Variants in SLC9A2 observed in about 807,000 individuals in gnomAD.
The protein encoded by SLC9A2 is solute carrier family 9 member A2.
In SLC9A2, 42 loss-of-function variants were observed where a neutral mutation model predicts 71.7. That is an observed-to-expected ratio of 0.59 (90% confidence interval 0.46 to 0.76). SLC9A2 has a LOEUF of 0.76. Ranked by LOEUF, SLC9A2 falls within the 30% of genes least tolerant of loss-of-function variation. The pLI, the probability that SLC9A2 is intolerant of heterozygous loss-of-function variation, is 0.00. For synonymous variants in SLC9A2, 396 were observed against 392.5 expected (o/e 1.01, Z -0.10); for missense variants, 829 against 1,017.4 (o/e 0.81, Z 2.52).
At chr2:102,701,500 T>C (rs957612048) in intron 8 of SLC9A2, among the ~76,000 whole-genome samples, 1 of 152,176 alleles carries the variant, frequency 6.6e-6, no homozygotes, top group African/African-American at 2.4e-5. Context: ...TTATGTATGT[T>C]TATGTTTACA....
chr2:102,655,379 T>G (rs1431963934), intron 1 of SLC9A2, among the ~76,000 whole-genome samples: 1 of 152,108 alleles, frequency 6.6e-6, no homozygotes, highest in East Asian at 1.9e-4. Context: ...GTCTCAAACT[T>G]CTGACCTCAG....
chr2:102,695,788 AT>A (rs1195658447), intron 7 of SLC9A2, among the ~76,000 whole-genome samples: 3,221 of 43,204 alleles, frequency 0.075, 167 homozygotes, highest in African/African-American at 0.14. Context: ...TTATATATAT[AT>A]TATATATATA....
intron 5 of SLC9A2, among the ~76,000 whole-genome samples, chr2:102,687,694 T>C (rs1312363051): frequency 2.0e-5 from 3 of 152,180 alleles, no homozygotes; most frequent in African/African-American, 4.8e-5. Flanking sequence ...AATTTTCACA[T>C]TGTTTGAATC....
chr2:102,645,908 A>G (rs1198217913), intron 1 of SLC9A2, among the ~76,000 whole-genome samples: 1 of 152,176 alleles, frequency 6.6e-6, no homozygotes, highest in Non-Finnish European at 1.5e-5. Flanking sequence ...AACTTCCCCA[A>G]CCTAGCAAGA....
chr2:102,683,975 A>G (rs1289927434), intron 4 of SLC9A2, among the ~76,000 whole-genome samples, 159 bp from the exon 5 acceptor site: 1 of 152,228 alleles, frequency 6.6e-6, no homozygotes, highest in Non-Finnish European at 1.5e-5. Flanking sequence ...AAAGGCCCAG[A>G]ACCTGGTATT....
At position 102,621,673 on chromosome 2, in the gene SLC9A2, C is replaced by G. The variant is rs114903488; in HGVS notation, c.289+1536C>G. 6.8e-3 allele frequency among the ~76,000 whole-genome samples: 1,037 copies of G among 152,292 alleles called. 11 individuals are homozygous for G. The highest frequency in any genetic ancestry group is 0.023 in the African/African-American group (966 of 41,558). ...GAAAAGACGCATTGTCTGCCATCCT[C>G]AGGGAGCTTACTGATGAGTGGAGAG... is the stretch of plus-strand genomic sequence containing the variant. On this transcript the variant is annotated intron_variant, in intron 1 of 11. Transcript: ENST00000233969.
chr2:102,647,458 A>G (rs1056759091), intron 1 of SLC9A2, among the ~76,000 whole-genome samples: 2 of 152,188 alleles, frequency 1.3e-5, no homozygotes, highest in Non-Finnish European at 2.9e-5. Flanking sequence ...GAGCAAACAA[A>G]TTCAAAAGCT....
chr2:102,621,151 C>T (rs1293788410), intron 1 of SLC9A2, among the ~76,000 whole-genome samples: 6 of 151,934 alleles, frequency 3.9e-5, no homozygotes, highest in African/African-American at 1.5e-4. Context: ...AAGACTCTGT[C>T]TCAAAAATTA....
chr2:102,662,971 C>A (rs535219347), intron 2 of SLC9A2, among the ~76,000 whole-genome samples: 1 of 152,282 alleles, frequency 6.6e-6, no homozygotes, highest in South Asian at 2.1e-4. Context: ...CATGCAGAAG[C>A]AGATGGCTGG....
intron 1 of SLC9A2, among the ~76,000 whole-genome samples, chr2:102,621,330 C>CAG (rs1365666170): frequency 7.8e-6 from 1 of 128,918 alleles, no homozygotes; most frequent in Non-Finnish European, 1.6e-5. Flanking sequence ...GCCTGGGCCA[C>CAG]AGAGAGATAC....
chr2:102,687,641 C>T (rs1281849970), intron 5 of SLC9A2, among the ~76,000 whole-genome samples: 1 of 152,162 alleles, frequency 6.6e-6, no homozygotes, highest in Non-Finnish European at 1.5e-5. Context: ...TAGGATTTCA[C>T]ATGATGTATG....
rs574875442 is a variant in SLC9A2, at chr2:102,682,106, G to A, written c.1005-1155G>A. Among the ~76,000 whole-genome samples the A allele has an allele frequency of 1.1e-4, 16 of 152,264 alleles. No individual in the cohort carries two copies. The East Asian group carries it at 2.9e-3, about 28-fold the overall frequency. On this transcript the variant is annotated intron_variant, in intron 3 of 11. Transcript: ENST00000233969. ...GATCATGACCAGTATTCAGCTTATG[G>A]CATGGTTACCACTGAGTGGAAGGCA...
chr2:102,659,713 G>A (rs1025700575), intron 2 of SLC9A2, among the ~76,000 whole-genome samples: 11 of 152,188 alleles, frequency 7.2e-5, no homozygotes, highest in Admixed American at 6.5e-4. Flanking sequence ...CATTAACTTA[G>A]CAATATTAAA....
At chr2:102,648,980 C>A (rs1676782352) in intron 1 of SLC9A2, among the ~76,000 whole-genome samples, 1 of 152,156 alleles carries the variant, frequency 6.6e-6, no homozygotes, top group Non-Finnish European at 1.5e-5. Flanking sequence ...CTGAAAAAGA[C>A]TACTTTAAAT....
At chr2:102,641,895 T>C (rs1259047069) in intron 1 of SLC9A2, among the ~76,000 whole-genome samples, 4 of 32,380 alleles carry the variant, frequency 1.2e-4, no homozygotes, top group Admixed American at 4.5e-4. Context: ...CCAGGGCCTG[T>C]CGGGGGGTGG....
chr2:102,652,801 A>C (rs1384473064), intron 1 of SLC9A2, among the ~76,000 whole-genome samples: 2 of 152,100 alleles, frequency 1.3e-5, no homozygotes, highest in African/African-American at 2.4e-5. Context: ...TAACTGATAT[A>C]TTTGTCAATG....
chr2:102,625,112 A>T (rs1051463391), intron 1 of SLC9A2, among the ~76,000 whole-genome samples: 2 of 152,062 alleles, frequency 1.3e-5, no homozygotes, highest in African/African-American at 4.8e-5. Flanking sequence ...GTTCCTCGTA[A>T]AGTTAAAAGA....
intron 5 of SLC9A2, 53 bp downstream of exon 5, chr2:102,684,389 T>C: frequency 6.6e-7 from 1 of 1,507,890 alleles, no homozygotes; most frequent in Non-Finnish European, 9.2e-7. Flanking sequence ...TTCAGAATAT[T>C]GGATTCTGTT....
At chr2:102,705,014 C>G (rs562742130) in intron 10 of SLC9A2, among the ~76,000 whole-genome samples, 1 of 151,912 alleles carries the variant, frequency 6.6e-6, no homozygotes, top group African/African-American at 2.4e-5. Flanking sequence ...CCAGCCTGGG[C>G]AACACGGTGA....
Sources: gnomAD v4.1 joint callset for allele counts (sites outside exome capture counted in the v4.1 genomes callset) on GRCh38, gnomAD v4.1.1 for gene constraint, MANE v1.5 for transcripts, NCBI Gene and HGNC (gene_info 2026-07-23, HGNC 2026-07-21) for gene names.